ACAP2: variants seen among roughly 807,000 people sequenced by gnomAD.
ACAP2 encodes arf-GAP with coiled-coil, ANK repeat and PH domain-containing protein 2.
ACAP2 carries 39 observed loss-of-function variants against 115.8 expected under a neutral mutation model. That is an observed-to-expected ratio of 0.34 (90% CI 0.26 to 0.44). ACAP2 has a LOEUF of 0.44. Ranked by LOEUF, ACAP2 falls within the 20% of genes least tolerant of loss-of-function variation. The pLI is 1.00. For synonymous variants in ACAP2, 289 were observed against 315.8 expected (o/e 0.92, Z 0.90); for missense variants, 662 against 927.6 (o/e 0.71, Z 3.72).
At chr3:195,384,129 A>G (rs975819697) in intron 2 of ACAP2, among the ~76,000 whole-genome samples, 11 of 152,196 alleles carry the variant, frequency 7.2e-5, no homozygotes, top group African/African-American at 1.9e-4. Flanking sequence ...TTTAAAATGT[A>G]TTCTACAACT....
intron 3 of ACAP2, 54 bp from the exon 4 acceptor site, chr3:195,381,116 G>A: frequency 7.2e-7 from 1 of 1,391,856 alleles, no homozygotes; most frequent in Non-Finnish European, 9.9e-7. Flanking sequence ...ACTTAAATAG[G>A]TCACAAAAAT....
At chr3:195,392,172 G>C in intron 1 of ACAP2, 25 bp from the exon 2 acceptor site, 1 of 1,576,424 alleles carries the variant, frequency 6.3e-7, no homozygotes. Context: ...TATAAAATAA[G>C]TTATTTCGTT....
At chr3:195,332,918 TCTTTATAGCA>T (rs1202502100) in intron 8 of ACAP2, 100 bp downstream of exon 8, 3 of 679,036 alleles carry the variant, frequency 4.4e-6, no homozygotes, top group Admixed American at 6.7e-5. Flanking sequence ...CTCAGGCAGC[TCTTTATAGCA>T]GTGTGAGAAC....
At chr3:195,435,604 T>C (rs1346854782) in intron 1 of ACAP2, among the ~76,000 whole-genome samples, 1 of 152,230 alleles carries the variant, frequency 6.6e-6, no homozygotes, top group Admixed American at 6.5e-5. Flanking sequence ...TGTGACTTCT[T>C]TGATCCACTG....
In ACAP2 at chr3:195,333,120, A is replaced by G; in HGVS notation, c.577T>C (p.Leu193=). Reference sequence around the variant, plus strand: ...GCCAAATGGGCATACATAAATGACAACATCTAATAGGGAAAAAAAGATGAC... The same window carrying G: ...GCCAAATGGGCATACATAAATGACAGCATCTAATAGGGAAAAAAAGATGAC... ...KRRSEILKSM[L]SFMYAHLAFF... The change falls in exon 8 of 23, where the codon TTG becomes CTG. Residue 193 remains leucine (L), a synonymous_variant. Coordinates refer to ENST00000326793, the MANE Select transcript of ACAP2 (RefSeq NM_012287.6). 6.3e-7 allele frequency: 1 copy of G among 1,590,068 alleles called. No individual in the cohort carries two copies.
rs1364998730 is a variant in ACAP2 at position 195,278,723 on chromosome 3, G to A, written c.*605C>T. 1 of 151,856 alleles carries A rather than the reference G, an allele frequency of 6.6e-6. No homozygotes were observed. Among genetic ancestry groups the A allele is most frequent in the East Asian group, 1.9e-4 (1 of 5,196 alleles). 9.4% of individuals were successfully genotyped at this position (151,856 alleles called of 1,614,324 possible). A position where few individuals can be genotyped will look rare whatever the true frequency, so the allele number is the denominator to read the frequency against. Reference sequence around the variant, plus strand: ...TTATACATACATACATTAAAGTACTGGACAATAACCTGTCACCTAAGAAGT... The same window carrying A: ...TTATACATACATACATTAAAGTACTAGACAATAACCTGTCACCTAAGAAGT... On this transcript the variant is annotated 3_prime_UTR_variant, in exon 23 of 23. Coordinates refer to ENST00000326793, the MANE Select transcript of ACAP2 (RefSeq NM_012287.6).
At chr3:195,409,693 T>C (rs1023430271) in intron 1 of ACAP2, among the ~76,000 whole-genome samples, 3 of 151,670 alleles carry the variant, frequency 2.0e-5, no homozygotes, top group Non-Finnish European at 4.4e-5. Flanking sequence ...CTGGCCAACA[T>C]GGTGAAACCC....
intron 13 of ACAP2, among the ~76,000 whole-genome samples, chr3:195,304,860 G>C (rs150495854): frequency 7.6e-4 from 116 of 152,316 alleles, no homozygotes; most frequent in African/African-American, 2.6e-3. Flanking sequence ...AGTTTCCAAA[G>C]AAGTTTTTAG....
At chr3:195,335,040 C>T (rs983065893) in intron 7 of ACAP2, among the ~76,000 whole-genome samples, 4 of 151,912 alleles carry the variant, frequency 2.6e-5, no homozygotes, top group African/African-American at 7.3e-5. Context: ...CCATGAGCTA[C>T]GAATGGTTTT....
chr3:195,366,493 C>A (rs1344375394), intron 4 of ACAP2, among the ~76,000 whole-genome samples: 1 of 152,122 alleles, frequency 6.6e-6, no homozygotes, highest in Non-Finnish European at 1.5e-5. Context: ...CAAACATTAC[C>A]GCCATCACCT....
rs1279752391 is a variant in ACAP2, at chr3:195,442,779, C to G, written c.53+16G>C. The G allele has an allele frequency of 2.6e-6, 4 of 1,527,506 alleles. No individual in the cohort carries two copies. Among genetic ancestry groups the G allele is most frequent in the Non-Finnish European group, 3.5e-6 (4 of 1,137,528 alleles). The allele number at this position is 1,527,506 out of a possible 1,614,324, so 94.6% of individuals were successfully genotyped here. A position where few individuals can be genotyped will look rare whatever the true frequency, so the allele number is the denominator to read the frequency against. On this transcript the variant is annotated intron_variant, in intron 1 of 22. Transcript: ENST00000326793. ...AAGGCAGCTCCGCGGTGACGCCGGG[C>G]GGCCGTGCCGGTTACCTGAAGCGGG...
chr3:195,345,721 T>C (rs1731149688), intron 4 of ACAP2, among the ~76,000 whole-genome samples: 1 of 152,204 alleles, frequency 6.6e-6, no homozygotes, highest in East Asian at 1.9e-4. Flanking sequence ...AGAAACGCCA[T>C]ATACCTTAGT....
rs577652314 is a variant in ACAP2, at chr3:195,332,012, T to C, written c.669+1016A>G. On this transcript the variant is annotated intron_variant, in intron 8 of 22. Coordinates refer to ENST00000326793, the MANE Select transcript of ACAP2 (RefSeq NM_012287.6). ...AGCCGGGCATGGTGGCGGGCACCTGTAGTCCCAGCTACTCAGGAGGCTGAG... is the reference window on the plus strand; with the variant it reads ...AGCCGGGCATGGTGGCGGGCACCTGCAGTCCCAGCTACTCAGGAGGCTGAG... Among the ~76,000 whole-genome samples the C allele has an allele frequency of 1.4e-3, 206 of 151,326 alleles. No individual in the cohort carries two copies. The Middle Eastern group carries it at 0.021, about 15-fold the overall frequency.
At chr3:195,399,147 A>G (rs1712052569) in intron 1 of ACAP2, among the ~76,000 whole-genome samples, 1 of 152,194 alleles carries the variant, frequency 6.6e-6, no homozygotes, top group African/African-American at 2.4e-5. Flanking sequence ...TGCTTTCAAA[A>G]GAGTTAAGGG....
intron 4 of ACAP2, among the ~76,000 whole-genome samples, chr3:195,350,261 C>T (rs556274941): frequency 2.8e-4 from 42 of 152,008 alleles, no homozygotes; most frequent in Non-Finnish European, 4.1e-4. Flanking sequence ...CCTAGAATAG[C>T]CAAAATAACT....
intron 6 of ACAP2, among the ~76,000 whole-genome samples, chr3:195,337,532 T>G (rs989066483): frequency 6.8e-6 from 1 of 146,060 alleles, no homozygotes; most frequent in Non-Finnish European, 1.5e-5. Context: ...CACTGCAACC[T>G]CTGCCTTCTG....
intron 8 of ACAP2, among the ~76,000 whole-genome samples, chr3:195,330,258 T>C (rs544539985): frequency 2.0e-5 from 3 of 152,280 alleles, no homozygotes; most frequent in South Asian, 4.1e-4. Context: ...TCTACTGCCA[T>C]GACTTTAGTT....
At chr3:195,403,822 T>C (rs1335289145) in intron 1 of ACAP2, among the ~76,000 whole-genome samples, 2 of 152,154 alleles carry the variant, frequency 1.3e-5, no homozygotes, top group Non-Finnish European at 2.9e-5. Context: ...TGACTTCAAA[T>C]AGGTGGATGC....
intron 1 of ACAP2, among the ~76,000 whole-genome samples, chr3:195,395,557 G>C (rs538895780): frequency 6.6e-6 from 1 of 152,252 alleles, no homozygotes; most frequent in South Asian, 2.1e-4. Flanking sequence ...TCAAATTTCT[G>C]TTCCTCTAAA....
Sources: gnomAD v4.1 joint callset for allele counts (sites outside exome capture counted in the v4.1 genomes callset) on GRCh38, gnomAD v4.1.1 for gene constraint, MANE v1.5 for transcripts, NCBI Gene and HGNC (gene_info 2026-07-23, HGNC 2026-07-21) for gene names.